DMRT1: variants seen among roughly 807,000 people sequenced by gnomAD.
The protein encoded by DMRT1 is doublesex- and mab-3-related transcription factor 1.
A neutral mutation model predicts 32.3 loss-of-function variants in DMRT1; 7 were observed. The observed-to-expected ratio is 0.22, with a 90% CI of 0.12 to 0.41. The LOEUF is 0.41. Ranked by LOEUF, DMRT1 falls within the 10% of genes least tolerant of loss-of-function variation. The pLI is 1.00. For missense variants in DMRT1, 625 were observed against 500.5 expected, an observed-to-expected ratio of 1.25 and a Z score of -2.37; for synonymous variants, 278 against 206.1, an observed-to-expected ratio of 1.35 and a Z score of -2.99.
intron 2 of DMRT1, among the ~76,000 whole-genome samples, chr9:892,703 G>T (rs546846319): frequency 6.6e-6 from 1 of 152,196 alleles, no homozygotes; most frequent in South Asian, 2.1e-4. Context: ...CTCTGACCGT[G>T]TAACCTCCTT....
intron 2 of DMRT1, among the ~76,000 whole-genome samples, chr9:887,641 A>G (rs1336625858): frequency 2.0e-5 from 3 of 151,142 alleles, no homozygotes; most frequent in Admixed American, 1.3e-4. Context: ...CTCCCTCATG[A>G]CTCTATTGGT....
chr9:847,034 C>G lies in DMRT1; in HGVS notation c.429C>G (p.Ala143=). Residue 143 remains alanine, a synonymous_variant, in exon 2 of 5, where the codon GCC becomes GCG. Transcript: ENST00000382276. ...ACCCCATCCCACTGCCCAGTGCGGCCGAGCTGCTTGTCAAAAGAGAGAACA... is the reference window on the plus strand; with the variant it reads ...ACCCCATCCCACTGCCCAGTGCGGCGGAGCTGCTTGTCAAAAGAGAGAACA... The part of the protein sequence containing the change: ...ISHPIPLPSA[A]ELLVKRENNG... 1.2e-6 allele frequency: 2 copies of G among 1,614,116 alleles called. No homozygotes were observed. The highest frequency in any genetic ancestry group is 1.7e-6 in the Non-Finnish European group (2 of 1,180,042).
chr9:877,866 C>T (rs1816568678), intron 2 of DMRT1, among the ~76,000 whole-genome samples: 1 of 152,094 alleles, frequency 6.6e-6, no homozygotes, highest in African/African-American at 2.4e-5. Flanking sequence ...AAAAGTACAC[C>T]TGGAAGAGAT....
In DMRT1 at chr9:965,375, T is replaced by G. The variant is rs1460425920; in HGVS notation, c.968-2610T>G. 1.3e-5 allele frequency among the ~76,000 whole-genome samples: 2 copies of G among 152,244 alleles called. No individual in the cohort carries two copies. The highest frequency in any genetic ancestry group is 4.8e-5 in the African/African-American group (2 of 41,456). The stretch of plus-strand genomic sequence containing the variant: ...AAAACAGGGTGAGTTTTACATTTTC[T>G]CTAGAGTGCAGTCATGCATTAAAAG... On this transcript the variant is annotated intron_variant, in intron 4 of 4. Coordinates refer to ENST00000382276, the MANE Select transcript of DMRT1 (RefSeq NM_021951.3). The surrounding 1 kb of genome is among the most constrained non-coding windows in gnomAD (Gnocchi z 4.5).
intron 2 of DMRT1, among the ~76,000 whole-genome samples, chr9:871,325 T>G (rs114021606): frequency 0.013 from 1,897 of 147,836 alleles, 42 homozygotes; most frequent in African/African-American, 0.045. Flanking sequence ...GTAGCCCGGC[T>G]GGTCTTTGAA....
chr9:875,103 C>T (rs1297277746), intron 2 of DMRT1, among the ~76,000 whole-genome samples: 2 of 152,170 alleles, frequency 1.3e-5, no homozygotes, highest in Admixed American at 1.3e-4. Context: ...AGCCACCGCG[C>T]CCGGCCAACA....
At chr9:901,991 C>A (rs542666502) in intron 3 of DMRT1, among the ~76,000 whole-genome samples, 3 of 148,392 alleles carry the variant, frequency 2.0e-5, no homozygotes, top group African/African-American at 5.0e-5. Flanking sequence ...CAGCCCACTG[C>A]AACCTCCTCC....
At chr9:932,251 A>G (rs10816069) in intron 4 of DMRT1, among the ~76,000 whole-genome samples, 25,270 of 152,226 alleles carry the variant, frequency 0.17, 2,737 homozygotes, top group African/African-American at 0.3. Context: ...TGCTCTGCAT[A>G]ACCTTAAACA....
chr9:904,734 C>T (rs1817704573), intron 3 of DMRT1, among the ~76,000 whole-genome samples: 1 of 152,124 alleles, frequency 6.6e-6, no homozygotes, highest in African/African-American at 2.4e-5. Flanking sequence ...CACCTGAGGT[C>T]AGGAGTTTGA....
chr9:896,423 C>T (rs970267190), intron 3 of DMRT1, among the ~76,000 whole-genome samples: 3 of 151,510 alleles, frequency 2.0e-5, no homozygotes, highest in Non-Finnish European at 4.4e-5. Context: ...GGATTATAGG[C>T]ACGCACCACC....
At chr9:953,711 T>C (rs1168479041) in intron 4 of DMRT1, among the ~76,000 whole-genome samples, 1 of 152,216 alleles carries the variant, frequency 6.6e-6, no homozygotes, top group Non-Finnish European at 1.5e-5. Context: ...GAGCTGCCTC[T>C]CCACCATTCT....
intron 2 of DMRT1, among the ~76,000 whole-genome samples, chr9:867,872 GTTA>G (rs1308771304): frequency 6.6e-5 from 10 of 152,262 alleles, no homozygotes; most frequent in Non-Finnish European, 1.3e-4. Flanking sequence ...TAAGTGCTGT[GTTA>G]TTAACATACT....
chr9:902,359 G>A (rs1226894959), intron 3 of DMRT1, among the ~76,000 whole-genome samples: 5 of 151,178 alleles, frequency 3.3e-5, no homozygotes, highest in South Asian at 4.3e-4. Flanking sequence ...TTTTAAGACT[G>A]CTGCAGTACT....
At chr9:860,024 C>T (rs558720021) in intron 2 of DMRT1, among the ~76,000 whole-genome samples, 8 of 152,250 alleles carry the variant, frequency 5.3e-5, no homozygotes, top group African/African-American at 1.2e-4. Context: ...GGGTAGGGCA[C>T]GGTGGCTCAC....
At chr9:944,119 G>C (rs1156852486) in intron 4 of DMRT1, among the ~76,000 whole-genome samples, 1 of 152,232 alleles carries the variant, frequency 6.6e-6, no homozygotes, top group Non-Finnish European at 1.5e-5. Context: ...GTGATAGGAT[G>C]CATTTCATTT....
intron 3 of DMRT1, 56 bp downstream of exon 3, chr9:894,251 GCACA>G: frequency 1.3e-6 from 2 of 1,560,844 alleles, no homozygotes; most frequent in Non-Finnish European, 1.8e-6. Context: ...ACATGCATGT[GCACA>G]CACATGCACA....
At chr9:853,475 A>ATT (rs1318941683) in intron 2 of DMRT1, among the ~76,000 whole-genome samples, 2 of 144,350 alleles carry the variant, frequency 1.4e-5, no homozygotes, top group African/African-American at 2.5e-5. Flanking sequence ...TATTTAATTA[A>ATT]TTTTTTTTTT....
At chr9:896,365 A>G (rs1324283753) in intron 3 of DMRT1, among the ~76,000 whole-genome samples, 3 of 117,350 alleles carry the variant, frequency 2.6e-5, no homozygotes, top group Non-Finnish European at 3.4e-5. Flanking sequence ...TGCAACCTCC[A>G]CCTCCTGGGT....
chr9:860,208 A>C (rs890439391), intron 2 of DMRT1, among the ~76,000 whole-genome samples: 1 of 152,120 alleles, frequency 6.6e-6, no homozygotes, highest in Non-Finnish European at 1.5e-5. Context: ...GGGGCAGGAG[A>C]ATGGCTTGAA....
Sources: allele counts gnomAD v4.1 joint callset (sites outside exome capture counted in the v4.1 genomes callset), GRCh38; gene constraint gnomAD v4.1.1; non-coding constraint Gnocchi (gnomAD v3.1); transcripts MANE v1.5; gene names NCBI Gene and HGNC (gene_info 2026-07-23, HGNC 2026-07-21).